RGL3: variants seen among roughly 807,000 people sequenced by gnomAD.
The protein encoded by RGL3 is ral guanine nucleotide dissociation stimulator-like 3.
RGL3 carries 85 observed loss-of-function variants against 90.6 expected under a neutral mutation model. The ratio of observed to expected loss-of-function variants is 0.94; its 90% CI spans 0.79 to 1.12. RGL3 has a LOEUF of 1.12. Among genes scored for constraint, RGL3 ranks in the 50% most tolerant of loss-of-function variants. The pLI, the probability that RGL3 is intolerant of heterozygous loss-of-function variation, is 0.00. For synonymous variants in RGL3, 408 were observed against 385.5 expected, an observed-to-expected ratio of 1.06 and a Z score of -0.68; for missense variants, 1,034 against 939.2, an observed-to-expected ratio of 1.10 and a Z score of -1.32.
At chr19:11,418,643 C>G in intron 2 of RGL3, 28 bp downstream of exon 2, 1 of 1,511,178 alleles carries the variant, frequency 6.6e-7, no homozygotes, top group South Asian at 1.2e-5. Flanking sequence ...CTTCCGGCCC[C>G]GCGCCACCCA....
Position 11,402,545 on chromosome 19 carries a change from C to T in RGL3, c.1243-4G>A, listed in dbSNP as rs753927673. 3.1e-6 allele frequency: 5 copies of T among 1,604,100 alleles called. No individual in the cohort carries two copies. The South Asian group carries it at 3.3e-5, about 11-fold the overall frequency. ...GGACAGGGCCTGGGGGTGGTTTCTG[C>T]AGCCCCCAAAGCTCCAGTCACTTGG... is the stretch of plus-strand genomic sequence containing the variant. On this transcript the variant is annotated splice_polypyrimidine_tract_variant and splice_region_variant and intron_variant, in intron 10 of 18. Coordinates refer to ENST00000380456, the MANE Select transcript of RGL3 (RefSeq NM_001035223.4).
intron 18 of RGL3, 21 bp from the exon 19 acceptor site, chr19:11,394,541 TGGTAATA>T: frequency 6.4e-7 from 1 of 1,570,488 alleles, no homozygotes; most frequent in Non-Finnish European, 8.8e-7. Context: ...GTGGAGATGG[TGGTAATA>T]GGCCCTCACA....
intron 9 of RGL3, 146 bp downstream of exon 9, chr19:11,405,001 C>T: frequency 1.4e-6 from 1 of 705,726 alleles, no homozygotes. Flanking sequence ...ACGTGCAACC[C>T]GCCAGGGACA....
At chr19:11,395,122 C>T (rs1291460747) in intron 18 of RGL3, among the ~76,000 whole-genome samples, 1 of 151,602 alleles carries the variant, frequency 6.6e-6, no homozygotes, top group East Asian at 1.9e-4. Context: ...CAAACAAAAC[C>T]GACAACCTGC....
intron 5 of RGL3, among the ~76,000 whole-genome samples, chr19:11,407,108 T>C (rs1001799587): frequency 1.3e-5 from 2 of 151,688 alleles, no homozygotes; most frequent in African/African-American, 4.8e-5. Context: ...GCCTCAGCCT[T>C]CTGAGTAGCT....
chr19:11,403,339 A>T (rs1328772063), intron 9 of RGL3, among the ~76,000 whole-genome samples: 2 of 147,392 alleles, frequency 1.4e-5, no homozygotes, highest in Non-Finnish European at 3.0e-5. Flanking sequence ...CCGGCCAAAA[A>T]AATTTTTTTT....
At chr19:11,397,175 C>T in intron 18 of RGL3, 69 bp downstream of exon 18, 3 of 1,356,298 alleles carry the variant, frequency 2.2e-6, no homozygotes, top group South Asian at 1.2e-5. Context: ...GGGCTCCATC[C>T]TTGGGCGTGG....
chr19:11,413,156 G>A (rs1248633606), intron 5 of RGL3, among the ~76,000 whole-genome samples: 1 of 151,098 alleles, frequency 6.6e-6, no homozygotes, highest in Admixed American at 6.6e-5. Flanking sequence ...CCAGTGTGGT[G>A]GCTGAGCACT....
intron 5 of RGL3, among the ~76,000 whole-genome samples, chr19:11,408,417 A>G (rs994296259): frequency 2.0e-5 from 3 of 151,982 alleles, no homozygotes; most frequent in Non-Finnish European, 4.4e-5. Flanking sequence ...CCCCGTCTCT[A>G]CTAAAAAAAA....
intron 18 of RGL3, 80 bp downstream of exon 18, chr19:11,397,164 T>C: frequency 2.5e-6 from 3 of 1,206,868 alleles, no homozygotes. Context: ...CGGGTAACCT[T>C]GGGCTCCATC....
At chr19:11,402,750 A>G in intron 9 of RGL3, 44 bp from the exon 10 acceptor site, 1 of 1,549,390 alleles carries the variant, frequency 6.5e-7, no homozygotes, top group Non-Finnish European at 8.9e-7. Context: ...GTCTCCTTGG[A>G]CAATTCCTCA....
At position 11,405,215 on chromosome 19, in the gene RGL3, A is replaced by G. The variant is rs1423438254; in HGVS notation, c.1117T>C (p.Phe373Leu). The change falls in exon 9 of 19, where the codon TTC becomes CTC. Residue 373 changes from phenylalanine (F) to leucine (L), a missense_variant. By Grantham distance (22) the Phe-to-Leu change is conservative. Transcript: ENST00000380456. ...GAVSREPLST[F>L]RKLSQIFSDE... Reference sequence around the variant, plus strand: ...GAGAAAATCTGCGAAAGTTTCCTGAAAGTAGATAGCGGTTCCCTGGAAGGA... The same window carrying G: ...GAGAAAATCTGCGAAAGTTTCCTGAGAGTAGATAGCGGTTCCCTGGAAGGA... 1 of 1,614,082 alleles carries G rather than the reference A, an allele frequency of 6.2e-7. No individual in the cohort carries two copies. Among genetic ancestry groups the G allele is most frequent in the African/African-American group, 1.3e-5 (1 of 75,034 alleles).
chr19:11,412,021 T>A (rs1415753365), intron 5 of RGL3, among the ~76,000 whole-genome samples: 2 of 152,164 alleles, frequency 1.3e-5, no homozygotes, highest in African/African-American at 4.8e-5. Context: ...GGCTCACGCC[T>A]GTAATACCAA....
At chr19:11,397,132 G>T in intron 18 of RGL3, 112 bp downstream of exon 18, 1 of 803,274 alleles carries the variant, frequency 1.2e-6, no homozygotes, top group Non-Finnish European at 2.0e-6. Flanking sequence ...TCTGCCTGAA[G>T]CACCTCACAG....
rs200723247 is a variant in RGL3 at position 11,402,183 on chromosome 19, G to A, written c.1362+32C>T. The A allele has an allele frequency of 1.2e-5, 19 of 1,580,482 alleles. No homozygotes were observed. In the East Asian group the frequency reaches 4.0e-4, roughly 34 times the overall value. On this transcript the variant is annotated intron_variant, in intron 12 of 18. Coordinates refer to ENST00000380456, the MANE Select transcript of RGL3 (RefSeq NM_001035223.4). ...ACCCCTGCCCCACCCCCACCCTCAGGCACCACCACACCCACTGTAGCCTCC... is the reference window on the plus strand; with the variant it reads ...ACCCCTGCCCCACCCCCACCCTCAGACACCACCACACCCACTGTAGCCTCC...
Position 11,406,517 on chromosome 19 carries a change from T to G in RGL3, c.898A>C (p.Thr300Pro). ...GAACCCAGCACACAGCCGGTCACGGTGTTGAACTGGGCCACGGTGGCGCGC... is the reference window on the plus strand; with the variant it reads ...GAACCCAGCACACAGCCGGTCACGGGGTTGAACTGGGCCACGGTGGCGCGC... ...TVRATVAQFN[T>P]VTGCVLGSVL... Residue 300 changes from threonine to proline, a missense_variant, in exon 7 of 19, where the codon ACC becomes CCC. Transcript: ENST00000380456. The G allele has an allele frequency of 6.4e-7, 1 of 1,553,120 alleles. No individual in the cohort carries two copies. Among genetic ancestry groups the G allele is most frequent in the Non-Finnish European group, 8.7e-7 (1 of 1,150,288 alleles).
chr19:11,399,718 C>T (rs1376702952), intron 16 of RGL3, 137 bp downstream of exon 16: 9 of 491,250 alleles, frequency 1.8e-5, no homozygotes, highest in Non-Finnish European at 3.2e-5. Context: ...ATGGATACCC[C>T]GGGCGCTCAG....
rs779990058 is a variant in RGL3 at position 11,419,285 on chromosome 19, C to T, written c.-7G>A. ...TGCCTGCTGTGCGCTCCATGGCCGG[C>T]GCCCGTCCCTCTCAGTGGCGCCGCT... On this transcript the variant is annotated 5_prime_UTR_variant, in exon 1 of 19. Coordinates refer to ENST00000380456, the MANE Select transcript of RGL3 (RefSeq NM_001035223.4). 1.9e-6 allele frequency: 3 copies of T among 1,563,966 alleles called. No homozygotes were observed. The highest frequency in any genetic ancestry group is 1.2e-5 in the South Asian group (1 of 86,416).
chr19:11,402,743 T>G, intron 9 of RGL3, 37 bp from the exon 10 acceptor site: 1 of 1,575,028 alleles, frequency 6.3e-7, no homozygotes, highest in South Asian at 1.1e-5. Flanking sequence ...GTCTGGGGTC[T>G]CCTTGGACAA....
Sources: allele counts gnomAD v4.1 joint callset (sites outside exome capture counted in the v4.1 genomes callset), GRCh38; gene constraint gnomAD v4.1.1; transcripts MANE v1.5; gene names NCBI Gene and HGNC (gene_info 2026-07-23, HGNC 2026-07-21).